PROSER3: variants seen among roughly 807,000 people sequenced by gnomAD.
PROSER3 encodes proline and serine-rich protein 3.
In PROSER3, 33 loss-of-function variants were observed where a neutral mutation model predicts 50.2. The ratio of observed to expected loss-of-function variants is 0.66; its 90% CI spans 0.50 to 0.88. PROSER3 has a LOEUF of 0.88. Among genes scored for constraint, PROSER3 ranks in the 40% least tolerant of loss-of-function variants. The pLI, the probability that PROSER3 is intolerant of heterozygous loss-of-function variation, is 0.00. For synonymous variants in PROSER3, 266 were observed against 259.3 expected (o/e 1.03, Z -0.25); for missense variants, 623 against 612.7 (o/e 1.02, Z -0.18).
chr19:35,768,736 C>A, exon 11 of PROSER3: 1 of 582,622 alleles, frequency 1.7e-6, no homozygotes, highest in Non-Finnish European at 2.7e-6. Flanking sequence ...AACAAGATCT[C>A]CTTTCTGGTT....
At chr19:35,761,451 C>T (rs755165523) in intron 3 of PROSER3, among the ~76,000 whole-genome samples, 1 of 152,128 alleles carries the variant, frequency 6.6e-6, no homozygotes, top group Non-Finnish European at 1.5e-5. Context: ...GTGGGTGGAT[C>T]ACCTGAGATC....
At chr19:35,766,672 C>T (rs1349410608) in intron 7 of PROSER3, 96 bp from the exon 8 acceptor site, 5 of 837,190 alleles carry the variant, frequency 6.0e-6, no homozygotes, top group East Asian at 2.7e-5. Flanking sequence ...TCTGAGTAAC[C>T]CCCTGCACAG....
chr19:35,765,197 A>T, intron 7 of PROSER3, 21 bp downstream of exon 7: 1 of 1,609,490 alleles, frequency 6.2e-7, no homozygotes, highest in Non-Finnish European at 8.5e-7. Context: ...AGAGGCAAAG[A>T]CTGAGGGCAG....
Position 35,767,895 on chromosome 19 carries a change from AG to A in PROSER3, c.1050del (p.Gln350HisfsTer73). The A allele has an allele frequency of 6.2e-7, 1 of 1,613,098 alleles. No individual in the cohort carries two copies. Among genetic ancestry groups the A allele is most frequent in the Non-Finnish European group, 8.5e-7 (1 of 1,179,740 alleles). On this transcript the variant is annotated frameshift_variant, in exon 9 of 11. Coordinates refer to ENST00000396908, the Ensembl canonical transcript of PROSER3. LOFTEE classifies it high-confidence loss of function. ...ACTCCTTCCCCTGGAGCCTGCCTGC[AG>A]CCCGAGGTCCCACTCTCTCCAGCTG...
chr19:35,769,803 T>A (rs1971287241), downstream of PROSER3: 1 of 152,376 alleles, frequency 6.6e-6, no homozygotes, highest in African/African-American at 2.4e-5. Flanking sequence ...TGATCTCGGC[T>A]CACGGCAACC....
intron 5 of PROSER3, 117 bp from the exon 6 acceptor site, chr19:35,764,736 TA>T: frequency 2.3e-6 from 2 of 853,484 alleles, no homozygotes; most frequent in Non-Finnish European, 3.6e-6. Flanking sequence ...GAGCAGATCC[TA>T]AGCTGGCATG....
chr19:35,759,968 C>T (rs750221452), exon 3 of PROSER3: 2 of 1,600,734 alleles, frequency 1.2e-6, no homozygotes, highest in East Asian at 4.5e-5. Flanking sequence ...CCCTGATTGA[C>T]AGCGGGGACT....
At chr19:35,762,562 A>AAGAG (rs57111226) in intron 5 of PROSER3, 1 of 402,446 alleles carries the variant, frequency 2.5e-6, no homozygotes, top group African/African-American at 2.1e-5. Context: ...AAAAAAAAAA[A>AAGAG]AGAGAGAGAG....
chr19:35,761,733 G>C (rs1233507010), intron 3 of PROSER3, among the ~76,000 whole-genome samples: 2 of 152,098 alleles, frequency 1.3e-5, no homozygotes, highest in Admixed American at 6.6e-5. Flanking sequence ...GTGGTGGCAT[G>C]CACCTGTGTC....
intron 1 of PROSER3, 101 bp downstream of exon 1, chr19:35,758,327 G>A: frequency 7.2e-7 from 1 of 1,382,976 alleles, no homozygotes; most frequent in Non-Finnish European, 9.6e-7. Flanking sequence ...GGAGTCGCTA[G>A]GGCTCCACCG....
At chr19:35,761,774 T>C (rs1348394868) in intron 3 of PROSER3, among the ~76,000 whole-genome samples, 1 of 151,904 alleles carries the variant, frequency 6.6e-6, no homozygotes, top group East Asian at 1.9e-4. Flanking sequence ...GGAGAGAGGA[T>C]TTCTTGAGCC....
At chr19:35,766,461 G>A (rs945006229) in intron 7 of PROSER3, among the ~76,000 whole-genome samples, 3 of 152,094 alleles carry the variant, frequency 2.0e-5, no homozygotes, top group Non-Finnish European at 2.9e-5. Flanking sequence ...CAGGAGGATC[G>A]CCTGAGCCCA....
chr19:35,764,508 T>C (rs528179623), intron 5 of PROSER3, among the ~76,000 whole-genome samples: 283 of 152,056 alleles, frequency 1.9e-3, no homozygotes, highest in South Asian at 3.9e-3. Flanking sequence ...AATACAAAAT[T>C]AGCCGAGCGT....
At chr19:35,768,171 G>A in exon 10 of PROSER3, 1 of 1,613,684 alleles carries the variant, frequency 6.2e-7, no homozygotes, top group Non-Finnish European at 8.5e-7. Context: ...ACGGCAGCGA[G>A]TTCCAGGACG....
chr19:35,759,970 G>A, exon 3 of PROSER3: 2 of 1,600,086 alleles, frequency 1.2e-6, no homozygotes, highest in South Asian at 1.1e-5. Context: ...CTGATTGACA[G>A]CGGGGACTCC....
Position 35,759,365 on chromosome 19 carries a change from CT to C in PROSER3, c.12-8del. ...CACGTGCTGCCTGAACCCCACTTTC[CT>C]CTTGCAGCCTGCCAGTTTTCTCCAT... On this transcript the variant is annotated splice_region_variant and splice_polypyrimidine_tract_variant and intron_variant, in intron 1 of 10. Coordinates refer to ENST00000396908, the Ensembl canonical transcript of PROSER3. The C allele has an allele frequency of 6.2e-7, 1 of 1,612,682 alleles. No individual in the cohort carries two copies. Among genetic ancestry groups the C allele is most frequent in the Non-Finnish European group, 8.5e-7 (1 of 1,179,346 alleles).
rs1484107003 is a variant in PROSER3, at chr19:35,759,775, T to G, written c.109-14T>G. 9.7e-6 allele frequency: 15 copies of G among 1,552,420 alleles called. No individual in the cohort carries two copies. Among genetic ancestry groups the G allele is most frequent in the African/African-American group, 1.4e-5 (1 of 73,038 alleles). On this transcript the variant is annotated splice_polypyrimidine_tract_variant and intron_variant, in intron 2 of 10. Coordinates refer to ENST00000396908, the Ensembl canonical transcript of PROSER3. Reference sequence around the variant, plus strand: ...CCTCACACTTTTTCTTCTTGTGCTCTTCCCTGATCTTAGACCCTGAGCCCA... The same window carrying G: ...CCTCACACTTTTTCTTCTTGTGCTCGTCCCTGATCTTAGACCCTGAGCCCA...
chr19:35,762,538 G>T, intron 5 of PROSER3, 182 bp downstream of exon 5: 3 of 414,642 alleles, frequency 7.2e-6, no homozygotes, highest in Admixed American at 8.2e-5. Flanking sequence ...GTGAGATTCT[G>T]CCTCTACTAA....
At position 35,764,836 on chromosome 19, in the gene PROSER3, GACCCTGTC is replaced by G. The variant is rs1187967177; in HGVS notation, c.544-11_544-4del. On this transcript the variant is annotated splice_polypyrimidine_tract_variant and intron_variant, in intron 5 of 10. Coordinates refer to ENST00000396908, the Ensembl canonical transcript of PROSER3. Reference sequence around the variant, plus strand: ...AGCCTTTGGGTTGGGGCTGGCGTCTGACCCTGTCACCCTGCAGAACCTCCACACATGGA... The same window carrying G: ...AGCCTTTGGGTTGGGGCTGGCGTCTGACCCTGCAGAACCTCCACACATGGA... 1 of 1,609,116 alleles carries G rather than the reference GACCCTGTC, an allele frequency of 6.2e-7. No individual in the cohort carries two copies.
Sources: allele counts gnomAD v4.1 joint callset (sites outside exome capture counted in the v4.1 genomes callset), GRCh38; gene constraint gnomAD v4.1.1; transcripts MANE v1.5; gene names NCBI Gene and HGNC (gene_info 2026-07-23, HGNC 2026-07-21).